Variants in KLF11 observed in about 807,000 individuals in gnomAD.
KLF11 encodes the protein KLF transcription factor 11.
Under a neutral mutation model 29.9 loss-of-function variants are expected in KLF11, and 26 were observed. That is an observed-to-expected ratio of 0.87 (90% CI 0.64 to 1.21). KLF11 has a LOEUF of 1.21. Among genes scored for constraint, KLF11 ranks in the 50% most tolerant of loss-of-function variants. The pLI is 0.00. For missense variants in KLF11, 778 were observed against 665.7 expected, an observed-to-expected ratio of 1.17 and a Z score of -1.86; for synonymous variants, 318 against 257.4, an observed-to-expected ratio of 1.24 and a Z score of -2.25.
chr2:10,046,098 G>T (rs367958764), intron 1 of KLF11, 52 bp from the exon 2 acceptor site: 19 of 1,610,286 alleles, frequency 1.2e-5, no homozygotes, highest in Non-Finnish European at 1.5e-5. Flanking sequence ...CATCATGGGT[G>T]GCCTCTGTAT....
chr2:10,043,933 G>A (rs1184683624), intron 1 of KLF11, 175 bp downstream of exon 1: 1 of 1,012,534 alleles, frequency 9.9e-7, no homozygotes, highest in Non-Finnish European at 1.2e-6. Flanking sequence ...CGGCGGCCGC[G>A]ACGGGCGCGC....
intron 1 of KLF11, among the ~76,000 whole-genome samples, chr2:10,044,975 C>G (rs1031077341): frequency 6.6e-6 from 1 of 152,062 alleles, no homozygotes; most frequent in Non-Finnish European, 1.5e-5. Flanking sequence ...GGGAAAACCG[C>G]TCTCTACTAA....
chr2:10,045,255 G>T (rs1661155094), intron 1 of KLF11, among the ~76,000 whole-genome samples: 1 of 151,804 alleles, frequency 6.6e-6, no homozygotes, highest in Non-Finnish European at 1.5e-5. Flanking sequence ...GTGAAACCCC[G>T]TCTCTACTAA....
chr2:10,047,035 T>G (rs1661228768), intron 2 of KLF11, among the ~76,000 whole-genome samples: 1 of 151,806 alleles, frequency 6.6e-6, no homozygotes, highest in South Asian at 2.1e-4. Flanking sequence ...GGAGCTTAGG[T>G]TCTCCAGCCT....
Position 10,046,378 on chromosome 2 carries a change from A to G in KLF11, c.271A>G (p.Thr91Ala). 6.2e-7 allele frequency: 1 copy of G among 1,614,188 alleles called. No homozygotes were observed. The highest frequency in any genetic ancestry group is 1.3e-5 in the African/African-American group (1 of 75,054). ...VTTTVHMDAA[T>A]PELPKDFHSL... ...CACCACTGTGCATATGGATGCAGCCACACCTGAACTACCAAAAGACTTCCA... is the reference window on the plus strand; with the variant it reads ...CACCACTGTGCATATGGATGCAGCCGCACCTGAACTACCAAAAGACTTCCA... Residue 91 changes from threonine (T) to alanine (A), a missense_variant, in exon 2 of 4, where the codon ACA becomes GCA. Coordinates refer to ENST00000305883, the MANE Select transcript of KLF11 (RefSeq NM_003597.5).
chr2:10,044,340 C>T (rs931821327), intron 1 of KLF11: 21 of 985,550 alleles, frequency 2.1e-5, no homozygotes, highest in African/African-American at 7.0e-5. Context: ...CGTTGGGGGC[C>T]CTAAGCGTCG....
chr2:10,052,297 C>T lies in KLF11; in HGVS notation c.1329C>T (p.Arg443=), dbSNP rs1295543575. 12 of 1,614,150 alleles carry T rather than the reference C, an allele frequency of 7.4e-6. No homozygotes were observed. Among genetic ancestry groups the T allele is most frequent in the Non-Finnish European group, 8.5e-6 (10 of 1,180,032 alleles). The change falls in exon 4 of 4, where the codon CGC becomes CGT. Residue 443 remains arginine, a synonymous_variant. Coordinates refer to ENST00000305883, the MANE Select transcript of KLF11 (RefSeq NM_003597.5). The part of the protein sequence containing the change: ...KKFARSDELS[R]HRRTHTGEKK... ...TTGCTCGTTCGGATGAGCTGTCACG[C>T]CACCGCAGAACTCACACAGGGGAGA...
chr2:10,044,252 G>A, intron 1 of KLF11: 1 of 979,590 alleles, frequency 1.0e-6, no homozygotes, highest in Non-Finnish European at 1.2e-6. Context: ...CTAGGGGCCG[G>A]GGCAACGACG....
chr2:10,053,484 T>C lies in KLF11; in HGVS notation c.*977T>C, dbSNP rs1661469379. On this transcript the variant is annotated 3_prime_UTR_variant, in exon 4 of 4. Coordinates refer to ENST00000305883, the MANE Select transcript of KLF11 (RefSeq NM_003597.5). ...TTCTCAGAAAAAAAGGAAATGTCTGTATTGGTTGGATGAAACTCCACCAGA... is the reference window on the plus strand; with the variant it reads ...TTCTCAGAAAAAAAGGAAATGTCTGCATTGGTTGGATGAAACTCCACCAGA... 1 of 398,602 alleles carries C rather than the reference T, an allele frequency of 2.5e-6. No individual in the cohort carries two copies. Among genetic ancestry groups the C allele is most frequent in the African/African-American group, 2.1e-5 (1 of 48,626 alleles). 24.7% of individuals were successfully genotyped at this position (398,602 alleles called of 1,614,324 possible).
intron 1 of KLF11, among the ~76,000 whole-genome samples, chr2:10,045,084 T>C (rs1661148222): frequency 1.3e-5 from 2 of 149,166 alleles, no homozygotes; most frequent in South Asian, 4.2e-4. Flanking sequence ...AGGCAGAAGT[T>C]GTGGTGAGCC....
Position 10,052,392 on chromosome 2 carries a change from G to A in KLF11, c.1424G>A (p.Arg475His), listed in dbSNP as rs1212837797. The A allele has an allele frequency of 6.2e-6, 10 of 1,613,998 alleles. No homozygotes were observed. The highest frequency in any genetic ancestry group is 2.2e-5 in the East Asian group (1 of 44,900). Residue 475 changes from arginine to histidine, a missense_variant, in exon 4 of 4, where the codon CGC becomes CAC. Physicochemically the swap from Arg to His is conservative, Grantham distance 29 (BLOSUM62 0). Coordinates refer to ENST00000305883, the MANE Select transcript of KLF11 (RefSeq NM_003597.5). ...RSDHLTKHAR[R>H]HMTTKKIPGW... ...GACCACCTGACGAAGCATGCCCGGC[G>A]CCACATGACGACCAAGAAGATCCCA...
rs113903638 is a variant in KLF11 at position 10,047,766 on chromosome 2, C to A, written c.429C>A (p.Ala143=). 1.9e-6 allele frequency: 3 copies of A among 1,613,732 alleles called. No individual in the cohort carries two copies. The highest frequency in any genetic ancestry group is 2.5e-6 in the Non-Finnish European group (3 of 1,179,974). ...CTATDVLQSS[A]VVARALSGGA... is the part of the protein sequence containing the mutation. ...CCACGGATGTTCTCCAGTCCTCTGC[C>A]GTAGTGGCCAGAGCTCTGAGCGGGG... The change falls in exon 3 of 4, where the codon GCC becomes GCA. Residue 143 remains alanine (A), a synonymous_variant. Coordinates refer to ENST00000305883, the MANE Select transcript of KLF11 (RefSeq NM_003597.5).
rs1160415753 is a variant in KLF11, at chr2:10,043,716, G to T, written c.-1G>T. 10 of 1,355,674 alleles carry T rather than the reference G, an allele frequency of 7.4e-6. No individual in the cohort carries two copies. In the African/African-American group the frequency reaches 1.1e-4, roughly 15 times the overall value. 84.0% of individuals were successfully genotyped at this position (1,355,674 alleles called of 1,614,324 possible). Reference sequence around the variant, plus strand: ...TTTGTTGCTCCCGGCCGGCCTGCACGATGCACACGCCGGACTTCGCAGGCC... The same window carrying T: ...TTTGTTGCTCCCGGCCGGCCTGCACTATGCACACGCCGGACTTCGCAGGCC... On this transcript the variant is annotated 5_prime_UTR_variant, in exon 1 of 4. Transcript: ENST00000305883.
At chr2:10,048,739 C>G in intron 3 of KLF11, 144 bp downstream of exon 3, 2 of 719,234 alleles carry the variant, frequency 2.8e-6, no homozygotes. Flanking sequence ...CTGAAAAGCC[C>G]GCACAACCTT....
At position 10,044,426 on chromosome 2, in the gene KLF11, C is replaced by T. The variant is rs368878946; in HGVS notation, c.42+668C>T. The T allele has an allele frequency of 6.1e-6, 6 of 985,508 alleles. No homozygotes were observed. In the African/African-American group the frequency reaches 7.0e-5, roughly 11 times the overall value. 61.0% of individuals were successfully genotyped at this position (985,508 alleles called of 1,614,324 possible). A position where few individuals can be genotyped will look rare whatever the true frequency, so the allele number is the denominator to read the frequency against. The stretch of plus-strand genomic sequence containing the variant: ...CTCGTGGTGTGCGGGCACTGTGGGC[C>T]GGGCGAGCCCCTTCCCGCCCGTGTG... On this transcript the variant is annotated intron_variant, in intron 1 of 3. Transcript: ENST00000305883.
rs1553313456 is a variant in KLF11 at position 10,047,637 on chromosome 2, C to CA, written c.313-13_313-12insA. The CA allele has an allele frequency of 1.6e-6, 2 of 1,278,856 alleles. No homozygotes were observed. Among genetic ancestry groups the CA allele is most frequent in the Non-Finnish European group, 2.2e-6 (2 of 917,428 alleles). 79.2% of individuals were successfully genotyped at this position (1,278,856 alleles called of 1,614,324 possible). ...TTTAAAGCAACCTTTTAACATGGTA[C>CA]TTTTTTTTTTAGTGCATAACTCCTC... On this transcript the variant is annotated splice_polypyrimidine_tract_variant and intron_variant, in intron 2 of 3. Transcript: ENST00000305883.
At chr2:10,049,901 C>T (rs952521684) in intron 3 of KLF11, among the ~76,000 whole-genome samples, 20 of 152,124 alleles carry the variant, frequency 1.3e-4, no homozygotes, top group African/African-American at 4.8e-4. Flanking sequence ...AATTGACCTG[C>T]CTGCCTCTTT....
chr2:10,048,140 T>C lies in KLF11; in HGVS notation c.803T>C (p.Leu268Pro). The part of the protein sequence containing the change: ...TCSPKNYEND[L>P]PRKTTPLISV... Reference sequence around the variant, plus strand: ...TCACCAAAGAATTATGAAAATGACCTGCCCAGGAAAACCACCCCTCTGATT... The same window carrying C: ...TCACCAAAGAATTATGAAAATGACCCGCCCAGGAAAACCACCCCTCTGATT... Residue 268 changes from leucine (L) to proline (P), a missense_variant, in exon 3 of 4, where the codon CTG (leucine) becomes CCG (proline). Physicochemically the swap from Leu to Pro is moderately conservative, Grantham distance 98. Transcript: ENST00000305883. 6.2e-7 allele frequency: 1 copy of C among 1,614,200 alleles called. No homozygotes were observed. Among genetic ancestry groups the C allele is most frequent in the Non-Finnish European group, 8.5e-7 (1 of 1,180,018 alleles).
At chr2:10,052,056 A>C (rs1345880782) in intron 3 of KLF11, among the ~76,000 whole-genome samples, 171 bp from the exon 4 acceptor site, 1 of 152,146 alleles carries the variant, frequency 6.6e-6, no homozygotes, top group African/African-American at 2.4e-5. Flanking sequence ...GTGTGGGAGG[A>C]ATAAATGCCT....
Sources: allele counts gnomAD v4.1 joint callset (sites outside exome capture counted in the v4.1 genomes callset), GRCh38; gene constraint gnomAD v4.1.1; transcripts MANE v1.5; gene names NCBI Gene and HGNC (gene_info 2026-07-23, HGNC 2026-07-21).